PCNX2: variants seen among roughly 807,000 people sequenced by gnomAD.
The protein encoded by PCNX2 is pecanex 2, also known as pecanex-like protein 2.
Under a neutral mutation model 223.8 loss-of-function variants are expected in PCNX2, and 168 were observed. The observed-to-expected ratio is 0.75, with a 90% CI of 0.66 to 0.85. The LOEUF (loss-of-function observed/expected upper bound fraction) is 0.85. Among genes scored for constraint, PCNX2 ranks in the 40% least tolerant of loss-of-function variants. PCNX2 has a pLI of 0.00. For missense variants in PCNX2, 2,507 were observed against 2,675.5 expected (o/e 0.94, Z 1.39); for synonymous variants, 1,006 against 1,052.6 (o/e 0.96, Z 0.86).
intron 23 of PCNX2, among the ~76,000 whole-genome samples, chr1:233,069,301 G>C (rs1385978902): frequency 6.6e-6 from 1 of 152,038 alleles, no homozygotes; most frequent in Non-Finnish European, 1.5e-5. Flanking sequence ...TGATAAGAAG[G>C]CCAGACAGAA....
intron 17 of PCNX2, among the ~76,000 whole-genome samples, chr1:233,162,809 A>C (rs1025731277): frequency 2.6e-5 from 4 of 152,334 alleles, no homozygotes; most frequent in African/African-American, 9.6e-5. Flanking sequence ...TTTATCTGAA[A>C]GAAGATAAAC....
chr1:233,106,383 C>T (rs1286147020), intron 21 of PCNX2, among the ~76,000 whole-genome samples: 2 of 128,400 alleles, frequency 1.6e-5, no homozygotes, highest in Non-Finnish European at 3.1e-5. Context: ...GATGGAATCT[C>T]GCTGTGTTGC....
At chr1:233,170,849 T>A (rs1304526968) in intron 17 of PCNX2, among the ~76,000 whole-genome samples, 2 of 152,220 alleles carry the variant, frequency 1.3e-5, no homozygotes. Context: ...TTGTTTCTAT[T>A]CCTTTAGTAG....
intron 28 of PCNX2, among the ~76,000 whole-genome samples, chr1:233,012,973 C>T (rs899441568): frequency 6.6e-6 from 1 of 152,138 alleles, no homozygotes; most frequent in Non-Finnish European, 1.5e-5. Context: ...TAATAAGGAG[C>T]CCGATCTTAG....
At position 232,983,515 on chromosome 1, in the gene PCNX2, A is replaced by G. The variant is rs12340; in HGVS notation, c.*789T>C. ...GTAAGGGTTGCGGGGCTTGGAGAAC[A>G]AGCACGCGTCCCTGTGAAGCCCGCA... On this transcript the variant is annotated 3_prime_UTR_variant, in exon 34 of 34. Coordinates refer to ENST00000258229, the MANE Select transcript of PCNX2 (RefSeq NM_014801.4). The G allele has an allele frequency of 0.22, 32,842 of 152,216 alleles. 3,561 individuals carry two copies. The highest frequency in any genetic ancestry group is 0.24 in the African/African-American group (9,912 of 41,532). 9.4% of individuals were successfully genotyped at this position (152,216 alleles called of 1,614,324 possible).
chr1:233,104,822 T>C (rs1289266640), intron 21 of PCNX2, among the ~76,000 whole-genome samples: 2 of 152,110 alleles, frequency 1.3e-5, no homozygotes, highest in Non-Finnish European at 2.9e-5. Context: ...TACAATTAAA[T>C]TAGAAGTCAA....
chr1:233,180,997 A>C (rs1679765592), intron 15 of PCNX2: 1 of 152,110 alleles, frequency 6.6e-6, no homozygotes, highest in South Asian at 2.1e-4. Flanking sequence ...TTTTGCTGAA[A>C]AGCTCAAACC....
chr1:233,258,435 C>G lies in PCNX2; in HGVS notation c.1427G>C (p.Gly476Ala), dbSNP rs371900215. ...QCSGYGSGEGGNAIKDHSSSS... is the reference protein window; with the variant it reads ...QCSGYGSGEGANAIKDHSSSS... ...AGAACTGTGATCCTTGATGGCATTTCCCCCCTCCCCAGATCCGTAGCCAGA... is the reference window on the plus strand; with the variant it reads ...AGAACTGTGATCCTTGATGGCATTTGCCCCCTCCCCAGATCCGTAGCCAGA... Residue 476 changes from glycine (G) to alanine (A), a missense_variant, in exon 5 of 34, where the codon GGA becomes GCA. Physicochemically the swap from Gly to Ala is moderately conservative, Grantham distance 60 (BLOSUM62 0). Transcript: ENST00000258229. The G allele has an allele frequency of 3.0e-5, 48 of 1,613,760 alleles. No individual in the cohort carries two copies. The highest frequency in any genetic ancestry group is 3.7e-5 in the Non-Finnish European group (44 of 1,179,860).
chr1:233,193,191 T>C (rs1460725701), intron 15 of PCNX2, among the ~76,000 whole-genome samples: 1 of 150,978 alleles, frequency 6.6e-6, no homozygotes, highest in Non-Finnish European at 1.5e-5. Context: ...TCTTCATTCT[T>C]GAAATGAGAA....
At position 233,019,498 on chromosome 1, in the gene PCNX2, G is replaced by A. The variant is rs550529916; in HGVS notation, c.4606-2344C>T. On this transcript the variant is annotated intron_variant, in intron 26 of 33. Coordinates refer to ENST00000258229, the MANE Select transcript of PCNX2 (RefSeq NM_014801.4). ...AGAAAGACATGCTAATGATGCCCAC[G>A]TTGCACGGCTGTTCTGAGGTTTAGA... is the stretch of plus-strand genomic sequence containing the variant. 3.3e-5 allele frequency among the ~76,000 whole-genome samples: 5 copies of A among 152,252 alleles called. No homozygotes were observed. In the South Asian group the frequency reaches 8.3e-4, roughly 25 times the overall value.
chr1:233,200,156 GA>G lies in PCNX2; in HGVS notation c.2971del (p.Ser991LeufsTer6). On this transcript the variant is annotated frameshift_variant, in exon 14 of 34. Coordinates refer to ENST00000258229, the MANE Select transcript of PCNX2 (RefSeq NM_014801.4). LOFTEE classifies it high-confidence loss of function. ...EQIDMLFFGG[S>X]AVSGITSAVY... is the part of the protein sequence containing the mutation. Reference sequence around the variant, plus strand: ...AGAATAGAATGTAAACGACTTACCAGAACCACCAAAAAACAGCATGTCAATT... The same window carrying G: ...AGAATAGAATGTAAACGACTTACCAGACCACCAAAAAACAGCATGTCAATT... 1 of 1,571,704 alleles carries G rather than the reference GA, an allele frequency of 6.4e-7. No homozygotes were observed. The highest frequency in any genetic ancestry group is 8.7e-7 in the Non-Finnish European group (1 of 1,154,974).
intron 19 of PCNX2, among the ~76,000 whole-genome samples, chr1:233,156,689 G>A (rs1189578079): frequency 6.6e-6 from 1 of 152,084 alleles, no homozygotes; most frequent in African/African-American, 2.4e-5. Flanking sequence ...AGACCAAGGC[G>A]GGCAGATCAC....
chr1:233,083,656 T>C (rs1673465693), intron 23 of PCNX2, among the ~76,000 whole-genome samples: 1 of 152,248 alleles, frequency 6.6e-6, no homozygotes, highest in African/African-American at 2.4e-5. Flanking sequence ...TTTATTTTGT[T>C]GTTAGATAAA....
chr1:233,119,922 T>C (rs1675669061), intron 21 of PCNX2, among the ~76,000 whole-genome samples: 1 of 151,798 alleles, frequency 6.6e-6, no homozygotes, highest in South Asian at 2.1e-4. Flanking sequence ...ATCCCAGCAC[T>C]TTGGGAGGCC....
chr1:233,205,137 C>T (rs1237103472), intron 13 of PCNX2, among the ~76,000 whole-genome samples: 3 of 152,052 alleles, frequency 2.0e-5, no homozygotes, highest in Non-Finnish European at 4.4e-5. Flanking sequence ...CCAAAGTTGA[C>T]TTTTTTACAG....
chr1:233,018,821 G>A (rs983406469), intron 26 of PCNX2: 1 of 985,330 alleles, frequency 1.0e-6, no homozygotes, highest in Non-Finnish European at 1.2e-6. Flanking sequence ...AGGAGGCAGG[G>A]ATGTGTGCTC....
rs1052631984 is a variant in PCNX2, at chr1:233,295,461, C to T, written c.18G>A (p.Leu6=). 8.4e-6 allele frequency: 13 copies of T among 1,549,962 alleles called. No individual in the cohort carries two copies. In the African/African-American group the frequency reaches 1.1e-4, roughly 13 times the overall value. The change falls in exon 1 of 34, where the codon CTG becomes CTA. Residue 6 remains leucine, a synonymous_variant. Coordinates refer to ENST00000258229, the MANE Select transcript of PCNX2 (RefSeq NM_014801.4). This position sits in a 1 kb window ranked among gnomAD's most constrained non-coding sequence, Gnocchi z 4.1. Reference sequence around the variant, plus strand: ...CCCACACGCCCTGCCGGAGCAGCTGCAGCACCTGGGACACCATGCCGGCTG... The same window carrying T: ...CCCACACGCCCTGCCGGAGCAGCTGTAGCACCTGGGACACCATGCCGGCTG... MVSQV[L]QLLRQGVWAA... is the part of the protein sequence containing the mutation.
intron 9 of PCNX2, among the ~76,000 whole-genome samples, chr1:233,235,146 C>T (rs1029921625): frequency 6.6e-6 from 1 of 151,962 alleles, no homozygotes; most frequent in Non-Finnish European, 1.5e-5. Context: ...CACACAGAGG[C>T]CCTGGAAAGG....
intron 17 of PCNX2, among the ~76,000 whole-genome samples, chr1:233,162,344 T>G (rs7522418): frequency 6.6e-6 from 1 of 151,966 alleles, no homozygotes; most frequent in Non-Finnish European, 1.5e-5. Context: ...AAGTCTGAAA[T>G]CTTCAATACA....
Sources: allele counts gnomAD v4.1 joint callset (sites outside exome capture counted in the v4.1 genomes callset), GRCh38; gene constraint gnomAD v4.1.1; non-coding constraint Gnocchi (gnomAD v3.1); transcripts MANE v1.5; gene names NCBI Gene and HGNC (gene_info 2026-07-23, HGNC 2026-07-21).